Variants in CGNL1 observed in about 807,000 individuals in gnomAD.
The protein encoded by CGNL1 is cingulin-like protein 1.
CGNL1 carries 132 observed loss-of-function variants against 141.2 expected under a neutral mutation model. That is an observed-to-expected ratio of 0.93 (90% CI 0.81 to 1.08). The LOEUF (loss-of-function observed/expected upper bound fraction) is 1.08, where lower values mean the gene tolerates loss of function less well. Ranked by LOEUF, CGNL1 falls within the 50% of genes least tolerant of loss-of-function variation. The pLI is 0.00. For synonymous variants in CGNL1, 690 were observed against 622.1 expected (o/e 1.11, Z -1.63); for missense variants, 1,870 against 1,588.6 (o/e 1.18, Z -3.01).
chr15:57,508,780 G>C (rs1442279930), intron 8 of CGNL1, among the ~76,000 whole-genome samples: 2 of 152,242 alleles, frequency 1.3e-5, no homozygotes, highest in African/African-American at 4.8e-5. Flanking sequence ...CCACAGACCT[G>C]CATCATTGGC....
chr15:57,482,155 G>A (rs2063734344), intron 8 of CGNL1, among the ~76,000 whole-genome samples: 1 of 151,244 alleles, frequency 6.6e-6, no homozygotes, highest in Non-Finnish European at 1.5e-5. Flanking sequence ...AATTTTTTAT[G>A]TATTCTAGAT....
chr15:57,430,533 C>T (rs937221174), intron 1 of CGNL1, among the ~76,000 whole-genome samples: 20 of 151,788 alleles, frequency 1.3e-4, no homozygotes, highest in African/African-American at 4.1e-4. Context: ...ATATGGACAC[C>T]GTAAATTAAG....
intron 1 of CGNL1, among the ~76,000 whole-genome samples, chr15:57,432,394 G>C (rs1347724076): frequency 2.0e-5 from 3 of 152,162 alleles, no homozygotes; most frequent in Admixed American, 6.5e-5. Flanking sequence ...TTTCTATCTG[G>C]CATATGTTCA....
intron 8 of CGNL1, among the ~76,000 whole-genome samples, chr15:57,479,149 C>T (rs935032272): frequency 2.0e-5 from 3 of 152,156 alleles, no homozygotes; most frequent in African/African-American, 7.2e-5. Context: ...TTGCCTTTTC[C>T]AGTACATTGG....
chr15:57,397,215 G>T (rs1469856221), intron 1 of CGNL1: 1 of 152,282 alleles, frequency 6.6e-6, no homozygotes, highest in African/African-American at 2.4e-5. Context: ...ATGGTAGGCT[G>T]AGGTCAAAGA....
At chr15:57,509,936 G>T (rs749116752) in intron 8 of CGNL1, among the ~76,000 whole-genome samples, 1 of 152,196 alleles carries the variant, frequency 6.6e-6, no homozygotes, top group African/African-American at 2.4e-5. Context: ...ACTGGGAAAT[G>T]GGGCTAAGAT....
chr15:57,398,617 T>C (rs536065806), intron 1 of CGNL1, among the ~76,000 whole-genome samples: 1 of 152,302 alleles, frequency 6.6e-6, no homozygotes, highest in South Asian at 2.1e-4. Flanking sequence ...CAGCGTGTTG[T>C]TTGAAAAACC....
chr15:57,486,581 T>G (rs2063788429), intron 8 of CGNL1, among the ~76,000 whole-genome samples: 1 of 152,180 alleles, frequency 6.6e-6, no homozygotes, highest in Admixed American at 6.5e-5. Flanking sequence ...GTGGATTGAT[T>G]GGAGAGAATG....
At chr15:57,426,612 A>ATTTTTTTTTTTTTTTTT (rs35055374) in intron 1 of CGNL1, among the ~76,000 whole-genome samples, 1 of 119,644 alleles carries the variant, frequency 8.4e-6, no homozygotes, top group Non-Finnish European at 1.7e-5. Context: ...ATGCTTGGCT[A>ATTTTTTTTTTTTTTTTT]TTTTTTTTTT....
chr15:57,537,180 A>T (rs1254101523), intron 14 of CGNL1, among the ~76,000 whole-genome samples: 4 of 152,204 alleles, frequency 2.6e-5, no homozygotes, highest in African/African-American at 9.6e-5. Context: ...CAGTGGAGAG[A>T]TGACTCATCA....
At chr15:57,470,544 C>T (rs2152344799) in intron 8 of CGNL1, among the ~76,000 whole-genome samples, 1 of 152,218 alleles carries the variant, frequency 6.6e-6, no homozygotes. Flanking sequence ...CTCTGCAAGT[C>T]ACTCCTGGTG....
chr15:57,498,245 GTTTTTTTTTT>G lies in CGNL1; in HGVS notation c.2404-18524_2404-18515del, dbSNP rs56793548. ...CATACTTAGGTTGATTGGGGAAACA[GTTTTTTTTTT>G]TTTTTTTTTTGGAGACCAGGGTCTC... On this transcript the variant is annotated intron_variant, in intron 8 of 18. Coordinates refer to ENST00000281282, the MANE Select transcript of CGNL1 (RefSeq NM_032866.5). Among the ~76,000 whole-genome samples, 47 of 101,084 alleles carry G rather than the reference GTTTTTTTTTT, an allele frequency of 4.6e-4. No individual in the cohort carries two copies. In the East Asian group the frequency reaches 0.015, roughly 33 times the overall value. The allele number at this position is 101,084 out of a possible 152,430, so 66.3% of individuals were successfully genotyped here.
intron 1 of CGNL1, among the ~76,000 whole-genome samples, chr15:57,377,483 T>G (rs2062377619): frequency 6.6e-6 from 1 of 152,170 alleles, no homozygotes; most frequent in Admixed American, 6.5e-5. Flanking sequence ...TTTGAAAACC[T>G]CTGCTTTGAG....
At chr15:57,520,795 G>A (rs1335415696) in intron 10 of CGNL1, among the ~76,000 whole-genome samples, 1 of 152,142 alleles carries the variant, frequency 6.6e-6, no homozygotes, top group Non-Finnish European at 1.5e-5. Flanking sequence ...GGCTTGCACT[G>A]TTGCAGCCCA....
intron 14 of CGNL1, among the ~76,000 whole-genome samples, chr15:57,534,133 T>G (rs1397818019): frequency 6.6e-6 from 1 of 152,226 alleles, no homozygotes; most frequent in Non-Finnish European, 1.5e-5. Flanking sequence ...ACCCTTTACT[T>G]TCCCCCAATT....
rs375394587 is a variant in CGNL1 at position 57,461,888 on chromosome 15, C to T, written c.2399C>T (p.Thr800Ile). The change falls in exon 8 of 19, where the codon ACC becomes ATC. Residue 800 changes from threonine to isoleucine, a missense_variant. Physicochemically the swap from Thr to Ile is moderately conservative, Grantham distance 89. Transcript: ENST00000281282. ...QALRESVEEA[T>I]KNVEVLASRS... is the part of the protein sequence containing the mutation. ...CTGAGGGAGAGTGTGGAAGAAGCAA[C>T]CAAGGTGAGGGATGGGGCAGGAGAA... is the stretch of plus-strand genomic sequence containing the variant. The T allele has an allele frequency of 4.3e-6, 7 of 1,613,110 alleles. No individual in the cohort carries two copies. The highest frequency in any genetic ancestry group is 5.9e-6 in the Non-Finnish European group (7 of 1,179,466).
chr15:57,491,243 T>C (rs2063858105), intron 8 of CGNL1, among the ~76,000 whole-genome samples: 1 of 152,200 alleles, frequency 6.6e-6, no homozygotes, highest in Admixed American at 6.5e-5. Context: ...TTTGTATTAT[T>C]TTAGCAGTTT....
At chr15:57,471,552 T>C (rs986105921) in intron 8 of CGNL1, among the ~76,000 whole-genome samples, 1 of 151,998 alleles carries the variant, frequency 6.6e-6, no homozygotes, top group African/African-American at 2.4e-5. Context: ...CAAGACTTAG[T>C]TGGGTAGAGA....
chr15:57,497,069 A>G (rs1210114069), intron 8 of CGNL1, among the ~76,000 whole-genome samples: 1 of 152,168 alleles, frequency 6.6e-6, no homozygotes, highest in Non-Finnish European at 1.5e-5. Flanking sequence ...GACGCCCCCG[A>G]GGCCCCACAT....
Sources: gnomAD v4.1 joint callset for allele counts (sites outside exome capture counted in the v4.1 genomes callset) on GRCh38, gnomAD v4.1.1 for gene constraint, MANE v1.5 for transcripts, NCBI Gene and HGNC (gene_info 2026-07-23, HGNC 2026-07-21) for gene names.